VPS8: variants seen among roughly 807,000 people sequenced by gnomAD.
The protein encoded by VPS8 is vacuolar protein sorting-associated protein 8 homolog.
VPS8 carries 129 observed loss-of-function variants against 216.4 expected under a neutral mutation model. The ratio of observed to expected loss-of-function variants is 0.60; its 90% CI spans 0.52 to 0.69. The LOEUF (loss-of-function observed/expected upper bound fraction) is 0.69. VPS8 is among the 30% of genes least tolerant of loss of function. The pLI is 0.00. For synonymous variants in VPS8, 571 were observed against 565.4 expected, an observed-to-expected ratio of 1.01 and a Z score of -0.14; for missense variants, 1,531 against 1,683.5, an observed-to-expected ratio of 0.91 and a Z score of 1.59.
chr3:184,934,725 T>C (rs1302132987), intron 34 of VPS8, among the ~76,000 whole-genome samples: 1 of 152,250 alleles, frequency 6.6e-6, no homozygotes, highest in Non-Finnish European at 1.5e-5. Flanking sequence ...AAGTGCAGCT[T>C]GATCCTGATA....
At chr3:185,040,798 G>A (rs914896044) in intron 46 of VPS8, among the ~76,000 whole-genome samples, 7 of 152,160 alleles carry the variant, frequency 4.6e-5, no homozygotes, top group Non-Finnish European at 1.0e-4. Flanking sequence ...GGAGCCAAGT[G>A]CAAGGCATTG....
intron 8 of VPS8, among the ~76,000 whole-genome samples, chr3:184,844,851 A>C (rs1035311698): frequency 6.6e-6 from 1 of 152,222 alleles, no homozygotes; most frequent in Non-Finnish European, 1.5e-5. Flanking sequence ...TTGGTAAGCT[A>C]TATTACTGTC....
Position 184,849,969 on chromosome 3 carries a change from C to T in VPS8, c.700C>T (p.Leu234=), listed in dbSNP as rs572073995. The change falls in exon 10 of 48, where the codon CTA becomes TTA. Residue 234 remains leucine (L), a synonymous_variant. Transcript: ENST00000625842. ...GTGGGATTTGGCCAGTGGAAAACTT[C>T]TAAGATCAATAACAGATGCTCATCC... ...TMWDLASGKL[L]RSITDAHPPG... 1 of 1,613,452 alleles carries T rather than the reference C, an allele frequency of 6.2e-7. No homozygotes were observed. The highest frequency in any genetic ancestry group is 1.1e-5 in the South Asian group (1 of 91,028).
chr3:184,860,395 G>A (rs1726084495), intron 15 of VPS8, among the ~76,000 whole-genome samples: 1 of 148,668 alleles, frequency 6.7e-6, no homozygotes, highest in Admixed American at 6.7e-5. Context: ...GTATATATAT[G>A]TATGTATACG....
At chr3:184,910,129 T>C in intron 25 of VPS8, among the ~76,000 whole-genome samples, 1 of 22,142 alleles carries the variant, frequency 4.5e-5, no homozygotes, top group Non-Finnish European at 1.1e-4. Context: ...GATTCTCCTA[T>C]TTTTTTTTTT....
At chr3:184,838,660 T>C (rs1721562097) in intron 5 of VPS8, 54 bp from the exon 6 acceptor site, 1 of 1,434,784 alleles carries the variant, frequency 7.0e-7, no homozygotes, top group South Asian at 1.3e-5. Context: ...ATATACCATT[T>C]TCTGTTTTAA....
chr3:184,902,858 C>T (rs1734813896), intron 25 of VPS8, among the ~76,000 whole-genome samples: 1 of 150,750 alleles, frequency 6.6e-6, no homozygotes, highest in Non-Finnish European at 1.5e-5. Flanking sequence ...AATCTTGGTT[C>T]AATTCAGTGT....
chr3:184,866,129 C>T (rs564520688), intron 16 of VPS8, among the ~76,000 whole-genome samples: 1 of 152,144 alleles, frequency 6.6e-6, no homozygotes, highest in Admixed American at 6.5e-5. Context: ...TTGTTAATAA[C>T]CGAAGAGTGA....
chr3:184,959,605 A>C (rs1394079125), intron 37 of VPS8, among the ~76,000 whole-genome samples: 1 of 152,184 alleles, frequency 6.6e-6, no homozygotes, highest in Non-Finnish European at 1.5e-5. Context: ...CAGTGTTTCA[A>C]ACAAGTCATA....
At chr3:185,049,776 C>G (rs568112491) in intron 47 of VPS8, among the ~76,000 whole-genome samples, 1 of 152,242 alleles carries the variant, frequency 6.6e-6, no homozygotes, top group East Asian at 1.9e-4. Flanking sequence ...GCTTCTCTAC[C>G]TGGGCCCCCT....
At chr3:184,924,133 C>T (rs889137214) in intron 29 of VPS8, among the ~76,000 whole-genome samples, 5 of 152,232 alleles carry the variant, frequency 3.3e-5, no homozygotes, top group African/African-American at 1.2e-4. Flanking sequence ...GCCTGTTATA[C>T]AAAACCATGT....
At chr3:184,863,477 G>C (rs1043831297) in intron 16 of VPS8, among the ~76,000 whole-genome samples, 1 of 152,092 alleles carries the variant, frequency 6.6e-6, no homozygotes, top group African/African-American at 2.4e-5. Flanking sequence ...GAAATATTTG[G>C]GTGATAATGG....
intron 39 of VPS8, among the ~76,000 whole-genome samples, chr3:184,967,576 A>G (rs1326618443): frequency 6.6e-6 from 1 of 152,112 alleles, no homozygotes; most frequent in Non-Finnish European, 1.5e-5. Flanking sequence ...GGTGGCTCAC[A>G]CCTGTAATCC....
intron 36 of VPS8, among the ~76,000 whole-genome samples, chr3:184,945,316 T>C (rs1210159855): frequency 6.6e-6 from 1 of 152,092 alleles, no homozygotes. Context: ...ATTTATTTTA[T>C]GTAGCAATTT....
intron 47 of VPS8, among the ~76,000 whole-genome samples, chr3:185,050,677 C>T (rs1476018634): frequency 1.3e-5 from 2 of 152,206 alleles, no homozygotes; most frequent in Admixed American, 1.3e-4. Flanking sequence ...TAGCAAAGTG[C>T]CTGTCATGGA....
intron 25 of VPS8, among the ~76,000 whole-genome samples, chr3:184,901,722 C>G (rs1374659780): frequency 6.6e-6 from 1 of 151,990 alleles, no homozygotes; most frequent in Non-Finnish European, 1.5e-5. Flanking sequence ...AGTATCTCAC[C>G]TTGTTCTCTT....
intron 38 of VPS8, among the ~76,000 whole-genome samples, chr3:184,966,469 A>G (rs1456940253): frequency 1.3e-5 from 2 of 152,184 alleles, no homozygotes; most frequent in Non-Finnish European, 1.5e-5. Context: ...AATGAGTGCT[A>G]CTTGATCTTT....
chr3:184,984,555 A>G (rs1005336628), intron 42 of VPS8, among the ~76,000 whole-genome samples: 2 of 152,054 alleles, frequency 1.3e-5, no homozygotes, highest in Non-Finnish European at 2.9e-5. Context: ...AGCCTCCCAA[A>G]GTGCTCGGAT....
At chr3:184,996,543 A>C (rs780508985) in intron 44 of VPS8, 42 bp downstream of exon 44, 1 of 1,527,284 alleles carries the variant, frequency 6.5e-7, no homozygotes, top group Admixed American at 2.0e-5. Context: ...GTACATGTAC[A>C]TCTGTGGCAT....
Sources: allele counts gnomAD v4.1 joint callset (sites outside exome capture counted in the v4.1 genomes callset), GRCh38; gene constraint gnomAD v4.1.1; transcripts MANE v1.5; gene names NCBI Gene and HGNC (gene_info 2026-07-23, HGNC 2026-07-21).